Variants in ACACA observed in about 807,000 individuals in gnomAD.
ACACA encodes acetyl-CoA carboxylase 1.
In ACACA, 103 loss-of-function variants were observed where a neutral mutation model predicts 296.1. The ratio of observed to expected loss-of-function variants is 0.35; its 90% CI spans 0.30 to 0.41. The LOEUF (loss-of-function observed/expected upper bound fraction) is 0.41. ACACA is among the 10% of genes least tolerant of loss of function. The pLI is 1.00. For missense variants in ACACA, 1,554 were observed against 2,989.7 expected (o/e 0.52, Z 11.20); for synonymous variants, 953 against 1,038.6 (o/e 0.92, Z 1.58).
At chr17:37,264,958 G>T (rs1448609751) in intron 10 of ACACA, among the ~76,000 whole-genome samples, 1 of 152,132 alleles carries the variant, frequency 6.6e-6, no homozygotes, top group African/African-American at 2.4e-5. Context: ...GTCTCACTCA[G>T]ATGTCTGGTG....
chr17:37,210,376 G>T (rs2078691969), intron 30 of ACACA, 91 bp downstream of exon 30: 1 of 1,183,446 alleles, frequency 8.4e-7, no homozygotes, highest in Non-Finnish European at 1.3e-6. Flanking sequence ...ACATTATCTT[G>T]TCAAGTGTTG....
At chr17:37,148,371 A>G (rs1158971316) in intron 45 of ACACA, among the ~76,000 whole-genome samples, 6 of 152,210 alleles carry the variant, frequency 3.9e-5, no homozygotes, top group Non-Finnish European at 8.8e-5. Flanking sequence ...CGCCACTGTT[A>G]GCACTGCTGT....
chr17:37,205,581 CAA>C (rs1396413130), intron 33 of ACACA, among the ~76,000 whole-genome samples, 182 bp downstream of exon 33: 5 of 152,040 alleles, frequency 3.3e-5, no homozygotes, highest in African/African-American at 1.2e-4. Flanking sequence ...TGTTGACACA[CAA>C]AGATATTCAT....
chr17:37,269,046 T>TA (rs35990848), intron 10 of ACACA, among the ~76,000 whole-genome samples: 42,121 of 121,078 alleles, frequency 0.35, 7,575 homozygotes, highest in African/African-American at 0.53. Context: ...GAAAAAAATG[T>TA]AAAAAAAAAA....
Position 37,113,413 on chromosome 17 carries a change from C to A in ACACA, c.6275-148G>T. On this transcript the variant is annotated intron_variant, in intron 50 of 55. Coordinates refer to ENST00000616317, the MANE Select transcript of ACACA (RefSeq NM_198834.3). The surrounding 1 kb of genome is among the most constrained non-coding windows in gnomAD (Gnocchi z 4.0). ...CCCTATAGACTAAAGGGAGTATCGA[C>A]CTGTATCCCATTCAAGACTCCAGAG... 1.3e-6 allele frequency: 1 copy of A among 769,670 alleles called. No homozygotes were observed. Among genetic ancestry groups the A allele is most frequent in the Non-Finnish European group, 2.2e-6 (1 of 448,444 alleles). 47.7% of individuals were successfully genotyped at this position (769,670 alleles called of 1,614,324 possible).
intron 1 of ACACA, chr17:37,386,144 A>C: frequency 1.4e-6 from 2 of 1,464,058 alleles, no homozygotes; most frequent in Non-Finnish European, 1.9e-6. Context: ...TCTAGCTTTG[A>C]AATGACAAAG....
chr17:37,328,893 C>G, intron 3 of ACACA: 1 of 398,568 alleles, frequency 2.5e-6, no homozygotes, highest in Non-Finnish European at 4.4e-6. Context: ...ATCGAAATCT[C>G]TGGGGATGGG....
intron 1 of ACACA, among the ~76,000 whole-genome samples, chr17:37,378,446 C>T (rs1355100601): frequency 6.6e-6 from 1 of 152,238 alleles, no homozygotes; most frequent in Non-Finnish European, 1.5e-5. Flanking sequence ...GGCATGGTGG[C>T]TCACACCTGT....
At chr17:37,281,421 G>A (rs762452643) in intron 5 of ACACA, among the ~76,000 whole-genome samples, 8 of 152,056 alleles carry the variant, frequency 5.3e-5, no homozygotes, top group Middle Eastern at 3.4e-3. Context: ...TGTTCTCACC[G>A]GACCCTGTGC....
intron 1 of ACACA, among the ~76,000 whole-genome samples, chr17:37,363,976 T>C (rs2049514118): frequency 6.6e-6 from 1 of 151,140 alleles, no homozygotes; most frequent in African/African-American, 2.4e-5. Flanking sequence ...TACAAAAAAT[T>C]AGCTGGGCAT....
At chr17:37,089,493 G>A (rs1315730495) in intron 54 of ACACA, among the ~76,000 whole-genome samples, 2 of 152,232 alleles carry the variant, frequency 1.3e-5, no homozygotes, top group Non-Finnish European at 2.9e-5. Context: ...TGCTCTCAGA[G>A]GAGCTGAGAC....
intron 55 of ACACA, among the ~76,000 whole-genome samples, chr17:37,088,113 G>C (rs1008355811): frequency 6.6e-6 from 1 of 152,156 alleles, no homozygotes; most frequent in Non-Finnish European, 1.5e-5. Context: ...TGGCCAGAGT[G>C]CCTCACCTGC....
chr17:37,359,609 A>G (rs1264607982), intron 1 of ACACA, among the ~76,000 whole-genome samples: 1 of 152,162 alleles, frequency 6.6e-6, no homozygotes, highest in African/African-American at 2.4e-5. Context: ...GGCCAGGACT[A>G]GCCGGCCTGT....
Position 37,113,269 on chromosome 17 carries a change from T to C in ACACA, c.6275-4A>G, listed in dbSNP as rs759353470. ...TTCAGCACTTGGTCGTACATATCTA[T>C]GGAGAATGAGACAAATTAGAAATCA... On this transcript the variant is annotated splice_region_variant and splice_polypyrimidine_tract_variant and intron_variant, in intron 50 of 55. Transcript: ENST00000616317. This position sits in a 1 kb window ranked among gnomAD's most constrained non-coding sequence, Gnocchi z 4.0. The C allele has an allele frequency of 5.6e-6, 9 of 1,614,016 alleles. No individual in the cohort carries two copies. Among genetic ancestry groups the C allele is most frequent in the African/African-American group, 1.3e-5 (1 of 75,054 alleles).
At chr17:37,088,679 A>G (rs2072392824) in intron 55 of ACACA, among the ~76,000 whole-genome samples, 1 of 152,172 alleles carries the variant, frequency 6.6e-6, no homozygotes, top group Non-Finnish European at 1.5e-5. Flanking sequence ...GAGTATCAGC[A>G]TTCAGAGCTA....
At chr17:37,373,372 C>G (rs2049876516) in intron 1 of ACACA, among the ~76,000 whole-genome samples, 1 of 152,094 alleles carries the variant, frequency 6.6e-6, no homozygotes, top group African/African-American at 2.4e-5. Context: ...CTCAGCCTCC[C>G]AAGTAGCTGG....
At chr17:37,342,633 T>C (rs1004173666) in intron 1 of ACACA, among the ~76,000 whole-genome samples, 1 of 151,622 alleles carries the variant, frequency 6.6e-6, no homozygotes, top group Non-Finnish European at 1.5e-5. Flanking sequence ...GTAAAGCTAA[T>C]TACAGCTAAT....
intron 52 of ACACA, among the ~76,000 whole-genome samples, chr17:37,105,535 A>G (rs2073626560): frequency 6.6e-6 from 1 of 152,026 alleles, no homozygotes; most frequent in African/African-American, 2.4e-5. Context: ...TTTAAATCCA[A>G]TTTTAACTTT....
At chr17:37,400,736 GTGTC>G (rs974438190) in intron 1 of ACACA, among the ~76,000 whole-genome samples, 35 of 137,842 alleles carry the variant, frequency 2.5e-4, no homozygotes, top group African/African-American at 9.4e-4. Flanking sequence ...CATTGTGTGT[GTGTC>G]TGTGTGTGTG....
Sources: gnomAD v4.1 joint callset for allele counts (sites outside exome capture counted in the v4.1 genomes callset) on GRCh38, gnomAD v4.1.1 for gene constraint, Gnocchi (gnomAD v3.1) non-coding constraint, MANE v1.5 for transcripts, NCBI Gene and HGNC (gene_info 2026-07-23, HGNC 2026-07-21) for gene names.